Variants in EEF1G observed in about 807,000 individuals in gnomAD.
EEF1G encodes elongation factor 1-gamma.
A neutral mutation model predicts 58.3 loss-of-function variants in EEF1G; 14 were observed. The ratio of observed to expected loss-of-function variants is 0.24; its 90% CI spans 0.16 to 0.38. The LOEUF (loss-of-function observed/expected upper bound fraction) is 0.38. Ranked by LOEUF, EEF1G falls within the 10% of genes least tolerant of loss-of-function variation. EEF1G has a pLI of 1.00. For missense variants in EEF1G, 322 were observed against 550.1 expected, an observed-to-expected ratio of 0.59 and a Z score of 4.15; for synonymous variants, 180 against 206.8, an observed-to-expected ratio of 0.87 and a Z score of 1.11.
chr11:62,568,719 T>C (rs1481719167), intron 5 of EEF1G, among the ~76,000 whole-genome samples: 2 of 151,952 alleles, frequency 1.3e-5, no homozygotes, highest in East Asian at 3.9e-4. Context: ...ACGCCTATAA[T>C]CCCAGCACTT....
intron 7 of EEF1G, among the ~76,000 whole-genome samples, chr11:62,565,756 G>C (rs1261590251): frequency 6.6e-6 from 1 of 152,152 alleles, no homozygotes; most frequent in Non-Finnish European, 1.5e-5. Flanking sequence ...TCTGGATGGA[G>C]CCTTCCTGGT....
At chr11:62,564,954 T>C (rs1012387422) in intron 7 of EEF1G, among the ~76,000 whole-genome samples, 1 of 151,270 alleles carries the variant, frequency 6.6e-6, no homozygotes, top group Non-Finnish European at 1.5e-5. Flanking sequence ...GTCATTGTAG[T>C]CCCAGCTACT....
intron 5 of EEF1G, among the ~76,000 whole-genome samples, chr11:62,567,808 G>A (rs1479763011): frequency 6.6e-6 from 1 of 151,518 alleles, no homozygotes; most frequent in East Asian, 2.0e-4. Context: ...GGGTTCAAGT[G>A]ATTCTCGTGC....
intron 1 of EEF1G, chr11:62,573,461 C>G (rs1941662698): frequency 3.0e-6 from 1 of 331,504 alleles, no homozygotes; most frequent in Non-Finnish European, 5.7e-6. Flanking sequence ...CCGGACCTGC[C>G]TACAAAGACC....
At chr11:62,568,462 G>A (rs558969349) in intron 5 of EEF1G, among the ~76,000 whole-genome samples, 24 of 150,328 alleles carry the variant, frequency 1.6e-4, no homozygotes, top group African/African-American at 5.1e-4. Flanking sequence ...TCTTGAACTC[G>A]CATGCTCAAG....
intron 4 of EEF1G, among the ~76,000 whole-genome samples, chr11:62,571,310 T>C (rs1285208478): frequency 6.6e-6 from 1 of 152,170 alleles, no homozygotes; most frequent in African/African-American, 2.4e-5. Context: ...GCCACCCCCT[T>C]ACCATTTGGT....
chr11:62,561,543 G>A (rs1040833049), intron 7 of EEF1G, among the ~76,000 whole-genome samples: 18 of 146,190 alleles, frequency 1.2e-4, no homozygotes, highest in Admixed American at 1.0e-3. Context: ...GGTGGCACAC[G>A]CCTGTAGTCC....
chr11:62,571,224 CT>C, intron 4 of EEF1G, 116 bp from the exon 5 acceptor site: 1 of 1,482,862 alleles, frequency 6.7e-7, no homozygotes, highest in Non-Finnish European at 9.3e-7. Context: ...CACCCTCACT[CT>C]CTTTCAATGG....
intron 2 of EEF1G, 110 bp from the exon 3 acceptor site, chr11:62,572,011 C>A: frequency 1.1e-6 from 1 of 921,182 alleles, no homozygotes. Context: ...ATGATTCTCA[C>A]TATCCAAACT....
chr11:62,561,826 A>G (rs1429529036), intron 7 of EEF1G, among the ~76,000 whole-genome samples: 4 of 152,084 alleles, frequency 2.6e-5, no homozygotes, highest in Admixed American at 2.6e-4. Flanking sequence ...TCTCATGTAA[A>G]TAAGACTCTC....
chr11:62,570,702 G>A (rs188444214), intron 5 of EEF1G, among the ~76,000 whole-genome samples: 3 of 152,088 alleles, frequency 2.0e-5, no homozygotes, highest in Non-Finnish European at 4.4e-5. Flanking sequence ...CTATAGGTGT[G>A]CGCCACCACA....
intron 1 of EEF1G, chr11:62,573,465 A>C: frequency 3.0e-6 from 1 of 338,332 alleles, no homozygotes; most frequent in African/African-American, 2.1e-5. Flanking sequence ...ACCTGCCTAC[A>C]AAGACCCTCC....
At chr11:62,569,801 G>A (rs796229691) in intron 5 of EEF1G, among the ~76,000 whole-genome samples, 23 of 151,804 alleles carry the variant, frequency 1.5e-4, no homozygotes, top group African/African-American at 5.6e-4. Context: ...CTGGCATGCA[G>A]TAAGTGTTTT....
intron 5 of EEF1G, among the ~76,000 whole-genome samples, chr11:62,569,885 T>C (rs1941605408): frequency 6.6e-6 from 1 of 152,198 alleles, no homozygotes; most frequent in South Asian, 2.1e-4. Flanking sequence ...ACCAGTGACT[T>C]GTCATTCTTT....
intron 2 of EEF1G, 121 bp downstream of exon 2, chr11:62,572,463 C>T (rs766474620): frequency 1.2e-5 from 16 of 1,326,674 alleles, no homozygotes; most frequent in African/African-American, 8.9e-5. Flanking sequence ...ATAAAATCAC[C>T]GAAATTGAAT....
At chr11:62,563,101 C>G (rs944438330) in intron 7 of EEF1G, among the ~76,000 whole-genome samples, 11 of 151,538 alleles carry the variant, frequency 7.3e-5, no homozygotes, top group Non-Finnish European at 1.3e-4. Flanking sequence ...AGAGCAAGAC[C>G]CTGTCAAAAA....
intron 7 of EEF1G, among the ~76,000 whole-genome samples, chr11:62,563,416 G>A (rs1212081415): frequency 2.0e-5 from 3 of 152,084 alleles, no homozygotes; most frequent in African/African-American, 4.8e-5. Flanking sequence ...GATCACAGGC[G>A]TGAGCCACCG....
At chr11:62,559,904 C>T in intron 9 of EEF1G, 67 bp from the exon 10 acceptor site, 2 of 1,611,118 alleles carry the variant, frequency 1.2e-6, no homozygotes, top group Non-Finnish European at 1.7e-6. Flanking sequence ...TTACTTCCAG[C>T]TCAAACACAT....
rs758677352 is a variant in EEF1G at position 62,566,893 on chromosome 11, G to A, written c.770C>T (p.Pro257Leu). ...TTCATCCATCTCCTCCTCAGGAGCA[G>A]GGGCAGCCGCCTTTTTCTCCTCCTT... ...ERKEEKKAAA[P>L]APEEEMDECE... The change falls in exon 7 of 10, where the codon CCT becomes CTT. Residue 257 changes from proline (P) to leucine (L), a missense_variant. Pro to Leu is a moderately conservative substitution (Grantham distance 98). Transcript: ENST00000329251. 6.2e-7 allele frequency: 1 copy of A among 1,613,654 alleles called. No individual in the cohort carries two copies. Among genetic ancestry groups the A allele is most frequent in the South Asian group, 1.1e-5 (1 of 91,060 alleles).
Sources: allele counts gnomAD v4.1 joint callset (sites outside exome capture counted in the v4.1 genomes callset), GRCh38; gene constraint gnomAD v4.1.1; transcripts MANE v1.5; gene names NCBI Gene and HGNC (gene_info 2026-07-23, HGNC 2026-07-21).